Variants in HOXA3 observed in about 807,000 individuals in gnomAD.
HOXA3 encodes homeobox A3.
HOXA3 carries 8 observed loss-of-function variants against 30.3 expected under a neutral mutation model. The ratio of observed to expected loss-of-function variants is 0.26; its 90% CI spans 0.15 to 0.48. The LOEUF (loss-of-function observed/expected upper bound fraction) is 0.48, where lower values mean the gene tolerates loss of function less well. HOXA3 is among the 20% of genes least tolerant of loss of function. HOXA3 has a pLI of 0.99. For synonymous variants in HOXA3, 323 were observed against 273.1 expected (o/e 1.18, Z -1.80); for missense variants, 653 against 614.4 (o/e 1.06, Z -0.66).
chr7:27,138,777 T>C (rs986159980), intron 2 of HOXA3, among the ~76,000 whole-genome samples: 1 of 152,222 alleles, frequency 6.6e-6, no homozygotes, highest in African/African-American at 2.4e-5. Context: ...CTGGAAATCA[T>C]AGATTATGTA....
intron 4 of HOXA3, among the ~76,000 whole-genome samples, chr7:27,118,289 G>C (rs1003163850): frequency 2.6e-4 from 40 of 152,310 alleles, no homozygotes; most frequent in African/African-American, 9.4e-4. Flanking sequence ...AGGTGGGTGC[G>C]TGGGGGTTGG....
chr7:27,142,992 G>C (rs546604133), intron 1 of HOXA3: 102 of 1,439,780 alleles, frequency 7.1e-5, no homozygotes, highest in Non-Finnish European at 6.0e-5. Flanking sequence ...AGAGAGGGGG[G>C]ACCGAGAGCC....
At chr7:27,129,249 G>A in intron 2 of HOXA3, 1 of 1,590,134 alleles carries the variant, frequency 6.3e-7, no homozygotes, top group Non-Finnish European at 8.6e-7. Context: ...GAACGGGTGT[G>A]GAGGTGCTCG....
chr7:27,137,601 C>T (rs901823150), intron 2 of HOXA3, among the ~76,000 whole-genome samples: 1 of 152,116 alleles, frequency 6.6e-6, no homozygotes, highest in Non-Finnish European at 1.5e-5. Context: ...ATTATGCTTC[C>T]TATGAAAATA....
intron 2 of HOXA3, chr7:27,129,342 T>G: frequency 6.2e-7 from 1 of 1,614,086 alleles, no homozygotes; most frequent in East Asian, 2.2e-5. Context: ...AATTGGAGGA[T>G]CGCATCTTGG....
intron 2 of HOXA3, chr7:27,129,343 C>A (rs1562721930): frequency 6.2e-7 from 1 of 1,614,076 alleles, no homozygotes. Context: ...ATTGGAGGAT[C>A]GCATCTTGGT....
At chr7:27,151,713 C>T (rs1284083930) in intron 1 of HOXA3, 2 of 456,388 alleles carry the variant, frequency 4.4e-6, no homozygotes, top group South Asian at 3.1e-5. Flanking sequence ...TTCTACCTTT[C>T]TCTCTGAAAC....
At chr7:27,150,217 G>A (rs1331383050) in intron 1 of HOXA3, 1 of 151,860 alleles carries the variant, frequency 6.6e-6, no homozygotes, top group African/African-American at 2.4e-5. Flanking sequence ...AGGCACCCCA[G>A]ACCCTCCAAA....
chr7:27,148,183 C>A (rs2128063335), intron 1 of HOXA3, among the ~76,000 whole-genome samples: 1 of 152,388 alleles, frequency 6.6e-6, no homozygotes, highest in South Asian at 2.1e-4. Context: ...GCGGGTTCCC[C>A]GCCCCTCCTC....
intron 2 of HOXA3, among the ~76,000 whole-genome samples, chr7:27,133,546 T>C (rs992952605): frequency 6.6e-6 from 1 of 152,302 alleles, no homozygotes; most frequent in Non-Finnish European, 1.5e-5. Flanking sequence ...GTTTGCTCAT[T>C]TCCACGTGCA....
chr7:27,128,272 C>A (rs1583393947), intron 2 of HOXA3: 1 of 152,206 alleles, frequency 6.6e-6, no homozygotes, highest in African/African-American at 2.4e-5. Context: ...AGAAGAGGAG[C>A]CCTCTCAGAG....
rs1782726114 is a variant in HOXA3 at position 27,145,498 on chromosome 7, T to C, written c.-493-5312A>G. On this transcript the variant is annotated intron_variant, in intron 1 of 5. Coordinates refer to ENST00000612286, the MANE Select transcript of HOXA3 (RefSeq NM_153631.3). ...TTTTGTTTTGTTTTGTTTTGTTTTGTAAGAAATAAATGCACAGACGCTTGC... is the reference window on the plus strand; with the variant it reads ...TTTTGTTTTGTTTTGTTTTGTTTTGCAAGAAATAAATGCACAGACGCTTGC... 2.3e-5 allele frequency: 19 copies of C among 814,282 alleles called. 1 individual carries two copies. The East Asian group carries it at 4.5e-4, about 19-fold the overall frequency. The allele number at this position is 814,282 out of a possible 1,614,324, so 50.4% of individuals were successfully genotyped here. A position where few individuals can be genotyped will look rare whatever the true frequency, so the allele number is the denominator to read the frequency against.
At chr7:27,145,448 T>G in intron 1 of HOXA3, 3 of 33,788 alleles carry the variant, frequency 8.9e-5, no homozygotes, top group Non-Finnish European at 9.3e-5. Context: ...GTGTGTGAGG[T>G]TTTGTTTTGT....
intron 2 of HOXA3, among the ~76,000 whole-genome samples, chr7:27,138,742 C>T (rs1236820625): frequency 6.6e-6 from 1 of 152,198 alleles, no homozygotes; most frequent in Admixed American, 6.5e-5. Context: ...TTACTTCACC[C>T]ATTGGTGCAA....
chr7:27,116,899 C>T (rs772590458), intron 4 of HOXA3, among the ~76,000 whole-genome samples: 4 of 152,218 alleles, frequency 2.6e-5, no homozygotes, highest in African/African-American at 2.4e-5. Flanking sequence ...AGGGCCCTTT[C>T]GTTCTGGGGT....
In HOXA3 at chr7:27,107,954, C is replaced by G; in HGVS notation, c.1293G>C (p.Gln431His). The G allele has an allele frequency of 6.3e-7, 1 of 1,593,758 alleles. No homozygotes were observed. The highest frequency in any genetic ancestry group is 8.6e-7 in the Non-Finnish European group (1 of 1,164,832). Residue 431 changes from glutamine (Q) to histidine (H), a missense_variant, in exon 6 of 6, where the codon CAG becomes CAC. Gln to His is a conservative substitution (Grantham distance 24, BLOSUM62 0). Around this residue, in one of 3 missense-constraint regions of HOXA3, gnomAD observed 330 missense variants for 274.4 expected, o/e 1.20. Transcript: ENST00000612286. ...GCTTGGGTGCTTCCTGAATTCTTCC[C>G]TGAGAAGGATGGTGGCCGGTAAGGT... Reference protein sequence around the residue: ...YTDLTGHHPSQGRIQEAPKLT... With the variant: ...YTDLTGHHPSHGRIQEAPKLT...
intron 3 of HOXA3, chr7:27,123,577 C>T (rs144817769): frequency 6.6e-6 from 1 of 152,594 alleles, no homozygotes; most frequent in East Asian, 1.9e-4. Context: ...CGCTGGGACT[C>T]TGCGGGCCCT....
chr7:27,136,868 G>A (rs1785730850), intron 2 of HOXA3, among the ~76,000 whole-genome samples: 1 of 152,162 alleles, frequency 6.6e-6, no homozygotes, highest in Admixed American at 6.5e-5. Context: ...CTGGGGCTGT[G>A]GATCCCCTCC....
At chr7:27,139,137 G>A (rs574319938) in intron 2 of HOXA3, among the ~76,000 whole-genome samples, 37 of 152,338 alleles carry the variant, frequency 2.4e-4, no homozygotes, top group African/African-American at 8.4e-4. Flanking sequence ...GAGAAGAAAG[G>A]CAAAGCGGAA....
Sources: gnomAD v4.1 joint callset for allele counts (sites outside exome capture counted in the v4.1 genomes callset) on GRCh38, gnomAD v4.1.1 for gene constraint, gnomAD v4.1.1 regional missense constraint, MANE v1.5 for transcripts, NCBI Gene and HGNC (gene_info 2026-07-23, HGNC 2026-07-21) for gene names.